Variants in DLG2 observed in about 807,000 individuals in gnomAD.
DLG2 encodes the protein discs large MAGUK scaffold protein 2.
In DLG2, 45 loss-of-function variants were observed where a neutral mutation model predicts 132.5. That is an observed-to-expected ratio of 0.34 (90% CI 0.27 to 0.44). The LOEUF (loss-of-function observed/expected upper bound fraction) is 0.44, where lower values mean the gene tolerates loss of function less well. Among genes scored for constraint, DLG2 ranks in the 20% least tolerant of loss-of-function variants. The probability of loss-of-function intolerance (pLI) is 1.00; values close to 1 mark genes in which losing one functional copy is unlikely to be tolerated. For missense variants in DLG2, 1,045 were observed against 1,196.9 expected, an observed-to-expected ratio of 0.87 and a Z score of 1.87; for synonymous variants, 424 against 419.6, an observed-to-expected ratio of 1.01 and a Z score of -0.13.
At chr11:83,942,148 T>C (rs1304228525) in intron 14 of DLG2, among the ~76,000 whole-genome samples, 2 of 152,226 alleles carry the variant, frequency 1.3e-5, no homozygotes, top group Admixed American at 6.5e-5. Context: ...AGTTTTAACG[T>C]AGGCATTAAA....
rs574200241 is a variant in DLG2, at chr11:84,890,411, T to C, written c.357+221250A>G. ...GCATTTTGGGAACACTGATTAGTCA[T>C]ATTCTTATAAGAATTGGGAGCTGCC... On this transcript the variant is annotated intron_variant, in intron 6 of 27. Transcript: ENST00000376104. Among the ~76,000 whole-genome samples the C allele has an allele frequency of 1.3e-4, 20 of 152,254 alleles. 2 individuals carry two copies. The highest frequency in any genetic ancestry group is 1.0e-3 in the Admixed American group (16 of 15,296).
intron 2 of DLG2, among the ~76,000 whole-genome samples, chr11:85,611,125 G>T (rs2080969362): frequency 6.6e-6 from 1 of 152,178 alleles, no homozygotes; most frequent in South Asian, 2.1e-4. Context: ...AGGCTCATGG[G>T]ATGAACCCCC....
chr11:84,001,940 A>G (rs1199638188), intron 11 of DLG2, among the ~76,000 whole-genome samples: 1 of 152,164 alleles, frequency 6.6e-6, no homozygotes, highest in African/African-American at 2.4e-5. Context: ...GATACAGCAA[A>G]AGCAGTACTA....
intron 9 of DLG2, among the ~76,000 whole-genome samples, chr11:84,105,916 TTTTAA>T (rs2092875178): frequency 6.6e-6 from 1 of 152,134 alleles, no homozygotes; most frequent in African/African-American, 2.4e-5. Context: ...CATTTGTTTA[TTTTAA>T]TTTAATATAG....
intron 4 of DLG2, among the ~76,000 whole-genome samples, chr11:85,161,490 T>C (rs2078027105): frequency 6.6e-6 from 1 of 152,190 alleles, no homozygotes; most frequent in South Asian, 2.1e-4. Context: ...ACCTCTTCCA[T>C]CATGGAAAAG....
At chr11:85,010,235 C>T (rs1297017829) in intron 6 of DLG2, among the ~76,000 whole-genome samples, 17 of 152,020 alleles carry the variant, frequency 1.1e-4, no homozygotes, top group Admixed American at 1.1e-3. Flanking sequence ...CATCGTATGC[C>T]TTTGCTTGAC....
chr11:84,129,340 G>A (rs2094316593), intron 9 of DLG2, among the ~76,000 whole-genome samples: 1 of 152,082 alleles, frequency 6.6e-6, no homozygotes, highest in Admixed American at 6.6e-5. Flanking sequence ...GAAGGCATCT[G>A]TGAGAGACCT....
intron 5 of DLG2, among the ~76,000 whole-genome samples, chr11:85,136,725 ATTTTG>A (rs138963682): frequency 0.03 from 4,589 of 152,220 alleles, 87 homozygotes; most frequent in Admixed American, 0.044. Context: ...TATTACTTTT[ATTTTG>A]TTTGTTTCCA....
chr11:83,471,652 G>A lies in DLG2; in HGVS notation c.2420C>T (p.Pro807Leu). 1 of 1,613,172 alleles carries A rather than the reference G, an allele frequency of 6.2e-7. No individual in the cohort carries two copies. The highest frequency in any genetic ancestry group is 8.5e-7 in the Non-Finnish European group (1 of 1,179,412). ...RINDDLISEF[P>L]DKFGSCVPHT... ...AGGCACACAGGAGCCAAATTTATCAGGGAATTCAGATATCAAGTCGTCATT... is the reference window on the plus strand; with the variant it reads ...AGGCACACAGGAGCCAAATTTATCAAGGAATTCAGATATCAAGTCGTCATT... The change falls in exon 24 of 28, where the codon CCT becomes CTT. Residue 807 changes from proline to leucine, a missense_variant. By Grantham distance (98) the Pro-to-Leu change is moderately conservative. Coordinates refer to ENST00000376104, the MANE Select transcript of DLG2 (RefSeq NM_001142699.3).
At chr11:85,235,922 GA>G (rs1278722713) in intron 4 of DLG2, among the ~76,000 whole-genome samples, 1 of 151,712 alleles carries the variant, frequency 6.6e-6, no homozygotes, top group Non-Finnish European at 1.5e-5. Flanking sequence ...GCAATGTGTA[GA>G]ATATAGTTTA....
chr11:85,213,354 G>A (rs1243919126), intron 4 of DLG2, among the ~76,000 whole-genome samples: 1 of 151,800 alleles, frequency 6.6e-6, no homozygotes, highest in African/African-American at 2.4e-5. Flanking sequence ...ATACATGTAA[G>A]ATGTACATTG....
chr11:85,445,675 C>T (rs192843104), intron 3 of DLG2, among the ~76,000 whole-genome samples: 130 of 152,102 alleles, frequency 8.5e-4, no homozygotes, highest in African/African-American at 3.0e-3. Context: ...AGTGAAACTC[C>T]GTCTCAAAAA....
intron 6 of DLG2, among the ~76,000 whole-genome samples, chr11:85,036,840 T>C (rs2154147250): frequency 6.6e-6 from 1 of 152,316 alleles, no homozygotes; most frequent in South Asian, 2.1e-4. Flanking sequence ...ATTAAAAGGA[T>C]GTATCAAGGC....
At chr11:84,308,464 G>C (rs1218825249) in intron 7 of DLG2, among the ~76,000 whole-genome samples, 3 of 152,204 alleles carry the variant, frequency 2.0e-5, no homozygotes, top group Non-Finnish European at 4.4e-5. Context: ...GTCCCCACCA[G>C]AGTCAGGAGC....
At chr11:83,808,017 T>C (rs1304444375) in intron 17 of DLG2, among the ~76,000 whole-genome samples, 3 of 152,146 alleles carry the variant, frequency 2.0e-5, no homozygotes, top group Admixed American at 2.0e-4. Context: ...CAAATCTACT[T>C]CTGCTCCCCA....
intron 3 of DLG2, among the ~76,000 whole-genome samples, chr11:85,562,669 CT>C (rs1408818905): frequency 6.6e-6 from 1 of 151,574 alleles, no homozygotes; most frequent in Non-Finnish European, 1.5e-5. Flanking sequence ...CAAAAATGGC[CT>C]TGTCTCATGC....
chr11:85,594,621 A>G (rs1438484105), intron 3 of DLG2, among the ~76,000 whole-genome samples: 1 of 152,210 alleles, frequency 6.6e-6, no homozygotes, highest in Admixed American at 6.5e-5. Context: ...ATAACACATA[A>G]TTTTCAATAA....
chr11:84,178,586 C>T (rs745493032), intron 8 of DLG2, among the ~76,000 whole-genome samples: 2 of 152,046 alleles, frequency 1.3e-5, no homozygotes, highest in South Asian at 2.1e-4. Context: ...AAACACATTC[C>T]CTGGCCCACT....
At chr11:84,171,308 G>T (rs994327004) in intron 8 of DLG2, among the ~76,000 whole-genome samples, 23 of 152,100 alleles carry the variant, frequency 1.5e-4, no homozygotes, top group African/African-American at 5.6e-4. Context: ...TGGATATATT[G>T]CTTAGTGGTG....
Sources: allele counts gnomAD v4.1 joint callset (sites outside exome capture counted in the v4.1 genomes callset), GRCh38; gene constraint gnomAD v4.1.1; transcripts MANE v1.5; gene names NCBI Gene and HGNC (gene_info 2026-07-23, HGNC 2026-07-21).